Variants in ZNF469 observed in about 807,000 individuals in gnomAD.
ZNF469 encodes the protein zinc finger protein 469.
ZNF469 carries 1 observed loss-of-function variant against 1.0 expected under a neutral mutation model. That is an observed-to-expected ratio of 1.00 (90% CI 0.35 to 4.73). The LOEUF (loss-of-function observed/expected upper bound fraction) is 4.73. Among genes scored for constraint, ZNF469 ranks in the 30% most tolerant of loss-of-function variants. The pLI is 0.16. For synonymous variants in ZNF469, 2,703 were observed against 2,363.4 expected, an observed-to-expected ratio of 1.14 and a Z score of -4.17; for missense variants, 6,100 against 5,356.3, an observed-to-expected ratio of 1.14 and a Z score of -4.33.
the ZNF469 span, among the ~76,000 whole-genome samples, chr16:88,367,331 G>A: frequency 6.6e-6 from 1 of 152,218 alleles, no homozygotes; most frequent in Non-Finnish European, 1.5e-5. Context: ...TTACAGATGA[G>A]GAAATTAAGG....
chr16:88,344,903 C>T, the ZNF469 span, among the ~76,000 whole-genome samples: 1 of 152,240 alleles, frequency 6.6e-6, no homozygotes, highest in Non-Finnish European at 1.5e-5. Context: ...ATCACCCGGC[C>T]TCTGGGATTT....
At chr16:88,114,122 C>A in the ZNF469 span, among the ~76,000 whole-genome samples, 2 of 152,182 alleles carry the variant, frequency 1.3e-5, no homozygotes, top group South Asian at 4.1e-4. Context: ...CAAGTTTGCC[C>A]ACCTGTGAAT....
At chr16:88,414,818 C>T (rs113386656) in intron 1 of ZNF469, among the ~76,000 whole-genome samples, 26 of 152,268 alleles carry the variant, frequency 1.7e-4, no homozygotes, top group African/African-American at 6.0e-4. Flanking sequence ...AGGACAGCCC[C>T]GCCCAGACGT....
chr16:88,342,418 G>A, the ZNF469 span, among the ~76,000 whole-genome samples: 2 of 152,172 alleles, frequency 1.3e-5, no homozygotes, highest in African/African-American at 4.8e-5. Context: ...GAACCTGGAT[G>A]GAGCCTCAGA....
At chr16:88,380,383 ACTCACAGACACGCC>A (rs2092518266), upstream of ZNF469, among the ~76,000 whole-genome samples, 4 of 108,724 alleles carry the variant, frequency 3.7e-5, no homozygotes, top group East Asian at 4.2e-4. Flanking sequence ...ACTCACACGC[ACTCACAGACACGCC>A]CTCACACAGA....
At chr16:88,305,713 CTCA>C in the ZNF469 span, among the ~76,000 whole-genome samples, 7 of 152,204 alleles carry the variant, frequency 4.6e-5, no homozygotes, top group African/African-American at 1.7e-4. Context: ...CATGCATACT[CTCA>C]TACCTGCACA....
At chr16:88,325,873 C>A in the ZNF469 span, among the ~76,000 whole-genome samples, 1 of 152,250 alleles carries the variant, frequency 6.6e-6, no homozygotes, top group South Asian at 2.1e-4. Context: ...AGGATCGGTG[C>A]TCTGCCCCCT....
chr16:88,225,450 C>T, the ZNF469 span, among the ~76,000 whole-genome samples: 7 of 152,164 alleles, frequency 4.6e-5, no homozygotes, highest in Non-Finnish European at 8.8e-5. Flanking sequence ...GAAGGGAAAT[C>T]GGTGGGCAGG....
chr16:88,188,984 T>C, the ZNF469 span, among the ~76,000 whole-genome samples: 5 of 152,074 alleles, frequency 3.3e-5, no homozygotes, highest in African/African-American at 1.2e-4. Context: ...GGCCTCCTTT[T>C]TCCCTTTTGG....
chr16:88,244,129 A>ATGGATGGG, the ZNF469 span, among the ~76,000 whole-genome samples: 1 of 143,118 alleles, frequency 7.0e-6, no homozygotes, highest in South Asian at 2.3e-4. Flanking sequence ...GGATGGATGG[A>ATGGATGGG]TGGATGGGTG....
At chr16:88,153,898 C>T in the ZNF469 span, among the ~76,000 whole-genome samples, 11 of 152,164 alleles carry the variant, frequency 7.2e-5, no homozygotes, top group South Asian at 4.1e-4. Flanking sequence ...TAGGGGGCAC[C>T]GGCCCCAGTG....
In ZNF469 at chr16:88,439,306, C is replaced by T; in HGVS notation, c.11836C>T (p.Pro3946Ser). The T allele has an allele frequency of 6.4e-7, 1 of 1,550,392 alleles. No homozygotes were observed. Among genetic ancestry groups the T allele is most frequent in the Non-Finnish European group, 8.7e-7 (1 of 1,146,994 alleles). ...GCAGAGACTAACTGGCTTCAAAATC[C>T]CTTTAAAGAAAGATGCTTCCGAGTA... Reference protein sequence around the residue: ...FGQRLTGFKIPLKKDASE With the variant: ...FGQRLTGFKISLKKDASE Residue 3946 changes from proline (P) to serine (S), a missense_variant, in exon 3 of 3, where the codon CCT becomes TCT. Physicochemically the swap from Pro to Ser is moderately conservative, Grantham distance 74. Transcript: ENST00000565624.
chr16:88,372,760 T>C, the ZNF469 span, among the ~76,000 whole-genome samples: 2 of 144,036 alleles, frequency 1.4e-5, no homozygotes, highest in Admixed American at 1.4e-4. Flanking sequence ...TCACCATCTT[T>C]ACCATCTTCA....
the ZNF469 span, among the ~76,000 whole-genome samples, chr16:88,174,129 G>C: frequency 2.6e-5 from 4 of 152,210 alleles, no homozygotes; most frequent in East Asian, 7.7e-4. Flanking sequence ...AGCACAAGTA[G>C]GTTAAAAGTA....
At chr16:88,142,021 A>ATG in the ZNF469 span, among the ~76,000 whole-genome samples, 1 of 152,198 alleles carries the variant, frequency 6.6e-6, no homozygotes, top group Non-Finnish European at 1.5e-5. Context: ...AGACAGGCTC[A>ATG]TGTGTGCAGA....
the ZNF469 span, among the ~76,000 whole-genome samples, chr16:88,115,422 G>T: frequency 1.3e-5 from 2 of 151,882 alleles, no homozygotes; most frequent in South Asian, 2.1e-4. Flanking sequence ...GGGGGTCACC[G>T]CCGTGCACCC....
At chr16:88,318,696 G>C in the ZNF469 span, among the ~76,000 whole-genome samples, 2 of 117,736 alleles carry the variant, frequency 1.7e-5, no homozygotes, top group Admixed American at 8.1e-5. Context: ...CTCAGCCACG[G>C]CTGGCTGCTC....
the ZNF469 span, among the ~76,000 whole-genome samples, chr16:88,336,907 T>G: frequency 6.6e-6 from 1 of 152,224 alleles, no homozygotes; most frequent in Non-Finnish European, 1.5e-5. Context: ...CTACCATCTC[T>G]GCTCTTCTGG....
At chr16:88,129,239 A>G in the ZNF469 span, among the ~76,000 whole-genome samples, 1 of 152,178 alleles carries the variant, frequency 6.6e-6, no homozygotes, top group African/African-American at 2.4e-5. Flanking sequence ...CACGAGCCTC[A>G]GGCTCCTCAT....
Sources: gnomAD v4.1 joint callset for allele counts (sites outside exome capture counted in the v4.1 genomes callset) on GRCh38, gnomAD v4.1.1 for gene constraint, MANE v1.5 for transcripts, NCBI Gene and HGNC (gene_info 2026-07-23, HGNC 2026-07-21) for gene names.